The following SHISA9 variants were observed in gnomAD, a reference collection of about 807,000 sequenced individuals.
SHISA9 encodes the protein shisa family member 9.
A neutral mutation model predicts 38.0 loss-of-function variants in SHISA9; 13 were observed. The ratio of observed to expected loss-of-function variants is 0.34; its 90% confidence interval spans 0.22 to 0.54. The LOEUF is 0.54. Among genes scored for constraint, SHISA9 ranks in the 20% least tolerant of loss-of-function variants. The pLI is 0.91. For missense variants in SHISA9, 538 were observed against 575.8 expected (o/e 0.93, Z 0.67); for synonymous variants, 275 against 242.0 (o/e 1.14, Z -1.27).
At chr16:13,008,663 CT>C (rs1567179923) in intron 2 of SHISA9, among the ~76,000 whole-genome samples, 813 of 31,716 alleles carry the variant, frequency 0.026, 26 homozygotes, top group Non-Finnish European at 0.039. Context: ...CCCTCCCTCC[CT>C]TCCTCCCTCC....
chr16:13,383,955 AAC>A, the SHISA9 span, among the ~76,000 whole-genome samples: 1 of 152,136 alleles, frequency 6.6e-6, no homozygotes, highest in Non-Finnish European at 1.5e-5. Context: ...GTGCCCGGCC[AAC>A]ACCAACCTAA....
At chr16:12,942,311 G>T (rs1305553016) in intron 2 of SHISA9, among the ~76,000 whole-genome samples, 1 of 152,194 alleles carries the variant, frequency 6.6e-6, no homozygotes, top group Non-Finnish European at 1.5e-5. Context: ...GGGCAGAAAT[G>T]GGCTGAGAGT....
the SHISA9 span, among the ~76,000 whole-genome samples, chr16:13,270,327 G>A: frequency 1.3e-5 from 2 of 152,080 alleles, no homozygotes; most frequent in Non-Finnish European, 2.9e-5. Context: ...GGGCAGTTAA[G>A]GACACCATTG....
chr16:13,499,504 GA>G, the SHISA9 span, among the ~76,000 whole-genome samples: 1 of 152,136 alleles, frequency 6.6e-6, no homozygotes, highest in Non-Finnish European at 1.5e-5. Flanking sequence ...AAGATCAGAA[GA>G]AAGCACTTCA....
chr16:13,273,269 A>G, the SHISA9 span, among the ~76,000 whole-genome samples: 2 of 152,298 alleles, frequency 1.3e-5, no homozygotes, highest in South Asian at 2.1e-4. Flanking sequence ...CACATTTCAA[A>G]ATCTCAGATC....
the SHISA9 span, among the ~76,000 whole-genome samples, chr16:13,286,607 A>G: frequency 3.2e-4 from 48 of 152,344 alleles, no homozygotes; most frequent in Non-Finnish European, 5.1e-4. Context: ...AGTAACAAGA[A>G]GAAACACGTC....
the SHISA9 span, among the ~76,000 whole-genome samples, chr16:13,480,259 G>C: frequency 1.3e-5 from 2 of 152,146 alleles, no homozygotes; most frequent in Non-Finnish European, 2.9e-5. Flanking sequence ...TCAAGGGGTT[G>C]AGGCCAAGTT....
intron 2 of SHISA9, among the ~76,000 whole-genome samples, chr16:13,084,716 G>A (rs1438610162): frequency 6.9e-6 from 1 of 145,592 alleles, no homozygotes; most frequent in Non-Finnish European, 1.5e-5. Flanking sequence ...GACCTCATTT[G>A]GGGCCAGAAA....
At chr16:13,118,072 C>T (rs1488980027) in intron 2 of SHISA9, among the ~76,000 whole-genome samples, 1 of 151,812 alleles carries the variant, frequency 6.6e-6, no homozygotes, top group Non-Finnish European at 1.5e-5. Context: ...ATCCTAGTTA[C>T]TCAGGAGGCT....
intron 2 of SHISA9, among the ~76,000 whole-genome samples, chr16:12,924,626 C>G (rs1273568876): frequency 2.0e-5 from 3 of 152,172 alleles, no homozygotes; most frequent in East Asian, 1.9e-4. Flanking sequence ...AGGGGATGCT[C>G]TACACTAGAT....
chr16:13,396,193 TC>T, the SHISA9 span, among the ~76,000 whole-genome samples: 1 of 152,184 alleles, frequency 6.6e-6, no homozygotes, highest in African/African-American at 2.4e-5. Flanking sequence ...TGGATGAGTC[TC>T]CTCTTAATAG....
At chr16:13,059,159 A>C (rs2073345312) in intron 2 of SHISA9, among the ~76,000 whole-genome samples, 1 of 114,212 alleles carries the variant, frequency 8.8e-6, no homozygotes, top group African/African-American at 3.6e-5. Flanking sequence ...ACAGAGTCTC[A>C]CTCTGTCGCC....
the SHISA9 span, among the ~76,000 whole-genome samples, chr16:13,368,050 A>C: frequency 6.6e-6 from 1 of 152,178 alleles, no homozygotes; most frequent in Non-Finnish European, 1.5e-5. Flanking sequence ...CTAAATGCTA[A>C]GCTTCCTCTA....
At chr16:13,351,851 A>T in the SHISA9 span, among the ~76,000 whole-genome samples, 1 of 152,238 alleles carries the variant, frequency 6.6e-6, no homozygotes, top group African/African-American at 2.4e-5. Flanking sequence ...CCAGGCAAGA[A>T]ACATGAGATC....
chr16:12,903,710 C>T (rs2071054320), intron 1 of SHISA9, among the ~76,000 whole-genome samples: 1 of 152,052 alleles, frequency 6.6e-6, no homozygotes, highest in Admixed American at 6.5e-5. Context: ...TAAGCTTTAA[C>T]TGTCCCCTTT....
At chr16:13,457,321 A>ACAAG in the SHISA9 span, among the ~76,000 whole-genome samples, 1 of 151,354 alleles carries the variant, frequency 6.6e-6, no homozygotes, top group African/African-American at 2.4e-5. Context: ...AAACAAACAA[A>ACAAG]CAGCTTTTGG....
At chr16:13,101,276 A>C (rs993874282) in intron 2 of SHISA9, among the ~76,000 whole-genome samples, 12 of 152,236 alleles carry the variant, frequency 7.9e-5, no homozygotes, top group Non-Finnish European at 1.8e-4. Flanking sequence ...ACACGAAGAA[A>C]CAAAAGGAAA....
At chr16:13,357,064 A>G in the SHISA9 span, among the ~76,000 whole-genome samples, 1 of 152,126 alleles carries the variant, frequency 6.6e-6, no homozygotes, top group Non-Finnish European at 1.5e-5. Context: ...GCAAACCCAC[A>G]GAAAACAGTA....
At chr16:13,324,061 C>T in the SHISA9 span, among the ~76,000 whole-genome samples, 1 of 152,214 alleles carries the variant, frequency 6.6e-6, no homozygotes, top group Non-Finnish European at 1.5e-5. Context: ...CTCTCTCTTG[C>T]TCCCTCTCGT....
Sources: gnomAD v4.1 joint callset for allele counts (sites outside exome capture counted in the v4.1 genomes callset) on GRCh38, gnomAD v4.1.1 for gene constraint, MANE v1.5 for transcripts, NCBI Gene and HGNC (gene_info 2026-07-23, HGNC 2026-07-21) for gene names.